PITPNM1: variants seen among roughly 807,000 people sequenced by gnomAD.
PITPNM1 encodes the protein membrane-associated phosphatidylinositol transfer protein 1.
Under a neutral mutation model 133.3 loss-of-function variants are expected in PITPNM1, and 74 were observed. The ratio of observed to expected loss-of-function variants is 0.56; its 90% CI spans 0.46 to 0.67. PITPNM1 has a LOEUF of 0.67. Ranked by LOEUF, PITPNM1 falls within the 30% of genes least tolerant of loss-of-function variation. PITPNM1 has a pLI of 0.00. For synonymous variants in PITPNM1, 738 were observed against 741.4 expected (o/e 1.00, Z 0.08); for missense variants, 1,398 against 1,739.5 (o/e 0.80, Z 3.49).
rs139703605 is a variant in PITPNM1 at position 67,498,715 on chromosome 11, C to T, written c.1365G>A (p.Thr455=). 38 of 1,608,380 alleles carry T rather than the reference C, an allele frequency of 2.4e-5. No individual in the cohort carries two copies. Among genetic ancestry groups the T allele is most frequent in the African/African-American group, 1.1e-4 (8 of 74,934 alleles). The change falls in exon 10 of 24, where the codon ACG becomes ACA. Residue 455 remains threonine (T), a synonymous_variant. Coordinates refer to ENST00000356404, the MANE Select transcript of PITPNM1 (RefSeq NM_004910.3). This position sits in a 1 kb window ranked among gnomAD's most constrained non-coding sequence, Gnocchi z 5.7. The part of the protein sequence containing the change: ...DANSKQADVQ[T]LSSAFEAVTR... ...TGACGGCCTCGAAGGCGGAGCTCAG[C>T]GTCTGCACATCCGCCTGCTTGGAGT...
At chr11:67,496,383 C>A (rs1220858662) in intron 14 of PITPNM1, 35 bp from the exon 15 acceptor site, 7 of 1,552,050 alleles carry the variant, frequency 4.5e-6, no homozygotes, top group African/African-American at 1.4e-5. Flanking sequence ...ATTGTGGGGT[C>A]AGGGTTTCAG....
intron 2 of PITPNM1, chr11:67,503,860 C>G (rs974042063): frequency 3.5e-5 from 14 of 400,830 alleles, no homozygotes; most frequent in Admixed American, 8.8e-5. Context: ...TTTCCTTCCC[C>G]GATGGGATTA....
Position 67,502,461 on chromosome 11 carries a change from G to A in PITPNM1, c.293+43C>T, listed in dbSNP as rs140526779. ...GCTCACTGCTGTACCCACCAGGGCC[G>A]CTCCCCTCCTGGCCTCGGACCATGC... On this transcript the variant is annotated intron_variant, in intron 3 of 23. Coordinates refer to ENST00000356404, the MANE Select transcript of PITPNM1 (RefSeq NM_004910.3). The surrounding 1 kb of genome is among the most constrained non-coding windows in gnomAD (Gnocchi z 5.9). 300 of 1,613,422 alleles carry A rather than the reference G, an allele frequency of 1.9e-4. No individual in the cohort carries two copies. In the African/African-American group the frequency reaches 2.1e-3, roughly 12 times the overall value.
chr11:67,496,393 G>A (rs1866123766), intron 14 of PITPNM1, 45 bp from the exon 15 acceptor site: 1 of 1,532,974 alleles, frequency 6.5e-7, no homozygotes, highest in Non-Finnish European at 8.7e-7. Context: ...CAGGGTTTCA[G>A]CTGGGCACTC....
At chr11:67,499,249 C>T (rs1348816959) in intron 8 of PITPNM1, among the ~76,000 whole-genome samples, 1 of 152,124 alleles carries the variant, frequency 6.6e-6, no homozygotes, top group Admixed American at 6.5e-5. Flanking sequence ...TCTAACCCTG[C>T]CCTGTCCAAT....
At chr11:67,493,885 G>A (rs1413042368) in intron 20 of PITPNM1, 37 bp downstream of exon 20, 4 of 1,526,552 alleles carry the variant, frequency 2.6e-6, no homozygotes, top group Non-Finnish European at 3.5e-6. Flanking sequence ...GAGGCCTGGC[G>A]GAGCCCTCCC....
chr11:67,500,489 GC>G, intron 5 of PITPNM1, 68 bp from the exon 6 acceptor site: 1 of 1,489,400 alleles, frequency 6.7e-7, no homozygotes, highest in Admixed American at 1.8e-5. Flanking sequence ...TACATGCCCA[GC>G]CTTGAGGTTG....
At chr11:67,505,895 C>T (rs555425580), upstream of PITPNM1, among the ~76,000 whole-genome samples, 10 of 152,218 alleles carry the variant, frequency 6.6e-5, no homozygotes, top group Admixed American at 6.5e-5. The surrounding 1 kb of genome is among the most constrained non-coding windows in gnomAD (Gnocchi z 5.8). Context: ...AAGCCTCCCC[C>T]ACCTCTGCCT....
In PITPNM1 at chr11:67,502,392, C is replaced by G; in HGVS notation, c.315G>C (p.Glu105Asp). 1 of 1,613,946 alleles carries G rather than the reference C, an allele frequency of 6.2e-7. No individual in the cohort carries two copies. Among genetic ancestry groups the G allele is most frequent in the Non-Finnish European group, 8.5e-7 (1 of 1,180,030 alleles). The change falls in exon 4 of 24, where the codon GAG becomes GAC. Residue 105 changes from glutamate to aspartate, a missense_variant. This residue lies in a region of PITPNM1 where 274 missense variants were observed against 360.7 expected (regional missense o/e 0.76). Transcript: ENST00000356404. This position sits in a 1 kb window ranked among gnomAD's most constrained non-coding sequence, Gnocchi z 5.9. Reference protein sequence around the residue: ...TRTRYTCPFVEKFSIEIETYY... With the variant: ...TRTRYTCPFVDKFSIEIETYY... The stretch of plus-strand genomic sequence containing the variant: ...AGGTCTCAATTTCAATGGAGAATTT[C>G]TCCACGAAAGGGCAGGTGTACCTGG...
Position 67,498,462 on chromosome 11 carries a change from G to T in PITPNM1, c.1484+134C>A. 1 of 1,435,914 alleles carries T rather than the reference G, an allele frequency of 7.0e-7. No individual in the cohort carries two copies. Among genetic ancestry groups the T allele is most frequent in the Non-Finnish European group, 9.4e-7 (1 of 1,068,316 alleles). The allele number at this position is 1,435,914 out of a possible 1,614,324, so 88.9% of individuals were successfully genotyped here. ...AGCCCCAAGAGGCAACTGAAATGGA[G>T]CCATTCTCCAGAACAGGTCCAGCCA... On this transcript the variant is annotated intron_variant, in intron 10 of 23. Coordinates refer to ENST00000356404, the MANE Select transcript of PITPNM1 (RefSeq NM_004910.3). The surrounding 1 kb of genome is among the most constrained non-coding windows in gnomAD (Gnocchi z 5.7).
At chr11:67,496,919 G>A (rs1172718792) in intron 14 of PITPNM1, 11 of 241,190 alleles carry the variant, frequency 4.6e-5, no homozygotes, top group Non-Finnish European at 7.0e-5. Context: ...GTGACAGAGC[G>A]AGACTCTGTC....
intron 6 of PITPNM1, 35 bp from the exon 7 acceptor site, chr11:67,500,044 G>A (rs769201331): frequency 1.2e-6 from 2 of 1,608,362 alleles, no homozygotes; most frequent in South Asian, 2.2e-5. Flanking sequence ...CTCAGCCCAG[G>A]AGCCCAGCCT....
In PITPNM1 at chr11:67,505,024, C is replaced by T. The variant is rs1866455227; in HGVS notation, c.-42+164G>A. 6.5e-6 allele frequency: 1 copy of T among 152,716 alleles called. No individual in the cohort carries two copies. The highest frequency in any genetic ancestry group is 2.1e-4 in the South Asian group (1 of 4,848). The allele number at this position is 152,716 out of a possible 1,614,324, so 9.5% of individuals were successfully genotyped here. A position where few individuals can be genotyped will look rare whatever the true frequency, so the allele number is the denominator to read the frequency against. ...TGGCCCTGGAGACCCGCTCCGTCCA[C>T]CTGCGCCCCAGACTGGCACCGAGGT... On this transcript the variant is annotated intron_variant, in intron 1 of 23. Transcript: ENST00000356404. This position sits in a 1 kb window ranked among gnomAD's most constrained non-coding sequence, Gnocchi z 5.8.
At chr11:67,492,806 A>T in intron 23 of PITPNM1, 128 bp downstream of exon 23, 1 of 1,210,394 alleles carries the variant, frequency 8.3e-7, no homozygotes, top group Non-Finnish European at 1.1e-6. Context: ...TCCTCGGAGG[A>T]TCCCAGGTTC....
chr11:67,505,890 T>TC (rs1866494227), upstream of PITPNM1, among the ~76,000 whole-genome samples: 1 of 151,824 alleles, frequency 6.6e-6, no homozygotes, highest in African/African-American at 2.4e-5. This position sits in a 1 kb window ranked among gnomAD's most constrained non-coding sequence, Gnocchi z 5.8. Flanking sequence ...CCACAAAGCC[T>TC]CCCCCACCTC....
intron 5 of PITPNM1, among the ~76,000 whole-genome samples, 182 bp from the exon 6 acceptor site, chr11:67,500,603 G>A (rs1866294636): frequency 6.6e-6 from 1 of 152,152 alleles, no homozygotes; most frequent in Admixed American, 6.5e-5. Context: ...TTGTCTTCCT[G>A]CCTGACTCCC....
chr11:67,493,419 C>G lies in PITPNM1; in HGVS notation c.3333G>C (p.Leu1111=). The G allele has an allele frequency of 6.3e-7, 1 of 1,590,704 alleles. No homozygotes were observed. Among genetic ancestry groups the G allele is most frequent in the Non-Finnish European group, 8.6e-7 (1 of 1,165,318 alleles). Residue 1111 remains leucine (L), a synonymous_variant, in exon 22 of 24, where the codon CTG becomes CTC. Transcript: ENST00000356404. Reference sequence around the variant, plus strand: ...CCCCCAGCCGCCGCACCTCCTGCACCAGGCTCTGCAGAAACATTGCCTTCT... The same window carrying G: ...CCCCCAGCCGCCGCACCTCCTGCACGAGGCTCTGCAGAAACATTGCCTTCT... The part of the protein sequence containing the change: ...LRQKAMFLQS[L]VQEVELNIVA...
chr11:67,492,537 GGA>G, intron 23 of PITPNM1, among the ~76,000 whole-genome samples: 1 of 152,250 alleles, frequency 6.6e-6, no homozygotes, highest in African/African-American at 2.4e-5. Context: ...GGGTCTTAGA[GGA>G]AAAATAACAG....
At chr11:67,501,499 C>T (rs1211504368) in intron 5 of PITPNM1, among the ~76,000 whole-genome samples, 1 of 152,200 alleles carries the variant, frequency 6.6e-6, no homozygotes, top group African/African-American at 2.4e-5. Flanking sequence ...GAGAGAATGA[C>T]ATCAGAGTCA....
Sources: allele counts gnomAD v4.1 joint callset (sites outside exome capture counted in the v4.1 genomes callset), GRCh38; gene constraint gnomAD v4.1.1; regional missense constraint gnomAD v4.1.1; non-coding constraint Gnocchi (gnomAD v3.1); transcripts MANE v1.5; gene names NCBI Gene and HGNC (gene_info 2026-07-23, HGNC 2026-07-21).